Variants in RALYL observed in about 807,000 individuals in gnomAD.
The protein encoded by RALYL is RNA-binding Raly-like protein.
RALYL carries 29 observed loss-of-function variants against 35.1 expected under a neutral mutation model. The observed-to-expected ratio is 0.83, with a 90% CI of 0.61 to 1.13. The LOEUF (loss-of-function observed/expected upper bound fraction) is 1.13. Ranked by LOEUF, RALYL falls within the 50% of genes most tolerant of loss-of-function variation. The pLI is 0.00. For missense variants in RALYL, 359 were observed against 360.4 expected (o/e 1.00, Z 0.03); for synonymous variants, 120 against 127.6 (o/e 0.94, Z 0.40).
intron 8 of RALYL, among the ~76,000 whole-genome samples, chr8:84,902,075 G>A (rs568007694): frequency 2.1e-4 from 32 of 152,246 alleles, no homozygotes; most frequent in African/African-American, 7.5e-4. Context: ...TTGGAGATGT[G>A]TTAGGCCATC....
intron 2 of RALYL, among the ~76,000 whole-genome samples, chr8:84,599,177 C>A (rs769391359): frequency 3.3e-5 from 5 of 152,004 alleles, no homozygotes; most frequent in Admixed American, 2.0e-4. Flanking sequence ...ATTTAAACAA[C>A]TCTGCTTGCC....
chr8:84,222,320 A>G (rs1282515659), intron 1 of RALYL, among the ~76,000 whole-genome samples: 1 of 152,166 alleles, frequency 6.6e-6, no homozygotes, highest in Non-Finnish European at 1.5e-5. Flanking sequence ...TCAATTTTCT[A>G]TGTTACATCT....
chr8:84,623,031 T>C (rs972992880), intron 2 of RALYL, among the ~76,000 whole-genome samples: 4 of 152,210 alleles, frequency 2.6e-5, no homozygotes, highest in Non-Finnish European at 2.9e-5. Flanking sequence ...AAGATCCTTG[T>C]GACTGAAAGC....
At chr8:84,806,069 A>G (rs1213053350) in intron 4 of RALYL, among the ~76,000 whole-genome samples, 2 of 152,198 alleles carry the variant, frequency 1.3e-5, no homozygotes, top group East Asian at 1.9e-4. Flanking sequence ...GAATATTTCT[A>G]TCAATCACTC....
intron 1 of RALYL, among the ~76,000 whole-genome samples, chr8:84,290,482 C>A (rs991411891): frequency 1.3e-5 from 2 of 150,622 alleles, no homozygotes; most frequent in African/African-American, 4.9e-5. Context: ...GGGGTTTGTT[C>A]TCTGGCGGGC....
intron 1 of RALYL, among the ~76,000 whole-genome samples, chr8:84,236,273 C>T (rs1221086020): frequency 6.6e-6 from 1 of 152,134 alleles, no homozygotes; most frequent in African/African-American, 2.4e-5. Flanking sequence ...TAAAGTAACT[C>T]AGGATCACAA....
At chr8:84,830,433 G>T (rs1211313530) in intron 4 of RALYL, among the ~76,000 whole-genome samples, 1 of 152,146 alleles carries the variant, frequency 6.6e-6, no homozygotes, top group East Asian at 1.9e-4. Context: ...AGTCCCCAAG[G>T]TGGCTGGTGA....
chr8:84,220,895 C>G (rs1822045109), intron 1 of RALYL, among the ~76,000 whole-genome samples: 1 of 151,820 alleles, frequency 6.6e-6, no homozygotes, highest in Non-Finnish European at 1.5e-5. Flanking sequence ...ACTATACTAT[C>G]TTAGTAAACC....
intron 1 of RALYL, among the ~76,000 whole-genome samples, chr8:84,501,356 T>G (rs1341767165): frequency 6.6e-6 from 1 of 152,116 alleles, no homozygotes; most frequent in Non-Finnish European, 1.5e-5. Context: ...CCACATAGAT[T>G]TTCTAGAACA....
intron 1 of RALYL, among the ~76,000 whole-genome samples, chr8:84,490,846 A>G (rs1376965062): frequency 6.6e-6 from 1 of 151,842 alleles, no homozygotes; most frequent in Non-Finnish European, 1.5e-5. Context: ...GACTATTGGT[A>G]GAAGAATCCT....
At chr8:84,720,071 T>A (rs538412286) in intron 2 of RALYL, among the ~76,000 whole-genome samples, 3 of 152,120 alleles carry the variant, frequency 2.0e-5, no homozygotes, top group Non-Finnish European at 4.4e-5. Context: ...GGTTCATGCA[T>A]GTTGTCACAA....
intron 2 of RALYL, among the ~76,000 whole-genome samples, chr8:84,557,482 T>C (rs903551222): frequency 1.3e-5 from 2 of 152,212 alleles, no homozygotes; most frequent in African/African-American, 4.8e-5. Context: ...TTCTTTTATA[T>C]CATTGATTAC....
chr8:84,346,098 C>T (rs1204346370), intron 1 of RALYL: 2 of 983,034 alleles, frequency 2.0e-6, no homozygotes, highest in Non-Finnish European at 2.4e-6. Flanking sequence ...AGCAATTGCT[C>T]TATTTTCTCT....
intron 1 of RALYL, among the ~76,000 whole-genome samples, chr8:84,302,195 T>C (rs997031309): frequency 1.3e-5 from 2 of 152,204 alleles, no homozygotes; most frequent in African/African-American, 4.8e-5. Context: ...TTTTAAAATT[T>C]GTGAACATTC....
At chr8:84,213,385 G>A (rs1049623088) in intron 1 of RALYL, among the ~76,000 whole-genome samples, 1 of 152,080 alleles carries the variant, frequency 6.6e-6, no homozygotes, top group African/African-American at 2.4e-5. Context: ...AACAGAGCAA[G>A]ACTCCATCTC....
At chr8:84,686,462 T>A (rs1372087991) in intron 2 of RALYL, among the ~76,000 whole-genome samples, 1 of 152,172 alleles carries the variant, frequency 6.6e-6, no homozygotes, top group African/African-American at 2.4e-5. Context: ...TGGAGTGCAG[T>A]GGTGCAATCT....
chr8:84,899,635 T>C (rs763839913), intron 8 of RALYL, among the ~76,000 whole-genome samples: 1 of 152,146 alleles, frequency 6.6e-6, no homozygotes, highest in Non-Finnish European at 1.5e-5. Flanking sequence ...GCAGCCTGAG[T>C]CTTGAAGGCA....
At chr8:84,744,203 A>ACTT (rs1808073129) in intron 2 of RALYL, among the ~76,000 whole-genome samples, 1 of 152,038 alleles carries the variant, frequency 6.6e-6, no homozygotes, top group Non-Finnish European at 1.5e-5. Flanking sequence ...AACAGGAAGC[A>ACTT]AACATTTGCT....
rs532830099 is a variant in RALYL, at chr8:84,617,217, C to T, written c.256+87640C>T. Among the ~76,000 whole-genome samples, 54 of 151,642 alleles carry T rather than the reference C, an allele frequency of 3.6e-4. 1 individual carries two copies. In the East Asian group the frequency reaches 8.5e-3, roughly 24 times the overall value. ...ATTTTCACGATATTGATTGTTCCTACCCATGAGCATGGAATGTTCTTCCAT... is the reference window on the plus strand; with the variant it reads ...ATTTTCACGATATTGATTGTTCCTATCCATGAGCATGGAATGTTCTTCCAT... On this transcript the variant is annotated intron_variant, in intron 2 of 8. Coordinates refer to ENST00000521268, the MANE Select transcript of RALYL (RefSeq NM_173848.7).
Sources: gnomAD v4.1 joint callset for allele counts (sites outside exome capture counted in the v4.1 genomes callset) on GRCh38, gnomAD v4.1.1 for gene constraint, MANE v1.5 for transcripts, NCBI Gene and HGNC (gene_info 2026-07-23, HGNC 2026-07-21) for gene names.